HYDIN: variants seen among roughly 807,000 people sequenced by gnomAD.
HYDIN encodes the protein HYDIN axonemal central pair apparatus protein.
In HYDIN, 132 loss-of-function variants were observed where a neutral mutation model predicts 403.9. That is an observed-to-expected ratio of 0.33 (90% CI 0.28 to 0.38). The LOEUF (loss-of-function observed/expected upper bound fraction) is 0.38. Ranked by LOEUF, HYDIN falls within the 10% of genes least tolerant of loss-of-function variation. HYDIN has a pLI of 1.00. For missense variants in HYDIN, 2,827 were observed against 5,009.5 expected, an observed-to-expected ratio of 0.56 and a Z score of 13.15; for synonymous variants, 1,202 against 1,891.7, an observed-to-expected ratio of 0.64 and a Z score of 9.46.
chr16:71,007,739 G>A (rs2144090919), intron 23 of HYDIN, among the ~76,000 whole-genome samples: 1 of 140,274 alleles, frequency 7.1e-6, no homozygotes, highest in East Asian at 2.1e-4. Flanking sequence ...AAAGCAGTTT[G>A]GAGACTTCCC....
At chr16:71,078,873 T>C (rs1251603759) in intron 13 of HYDIN, among the ~76,000 whole-genome samples, 1 of 152,214 alleles carries the variant, frequency 6.6e-6, no homozygotes, top group Non-Finnish European at 1.5e-5. Context: ...CCCACTATCC[T>C]TTTCCTTCTT....
At chr16:70,820,192 T>C (rs1435074289) in intron 83 of HYDIN, among the ~76,000 whole-genome samples, 32 of 125,810 alleles carry the variant, frequency 2.5e-4, no homozygotes, top group South Asian at 1.4e-3. Flanking sequence ...TTTTTCTTTT[T>C]TTTTTTTTTT....
chr16:70,938,975 C>A (rs2077585212), intron 43 of HYDIN, among the ~76,000 whole-genome samples: 1 of 152,158 alleles, frequency 6.6e-6, no homozygotes, highest in African/African-American at 2.4e-5. Context: ...ATGCCCATAT[C>A]AGATTACTCA....
intron 74 of HYDIN, 42 bp downstream of exon 74, chr16:70,850,406 A>G (rs2038548981): frequency 3.3e-6 from 3 of 914,292 alleles, no homozygotes; most frequent in Non-Finnish European, 5.0e-6. Context: ...CCCAGTCAGA[A>G]TGGAAGCTGA....
At chr16:70,840,379 G>A (rs1211956072) in intron 75 of HYDIN, 146 bp from the exon 76 acceptor site, 24 of 575,804 alleles carry the variant, frequency 4.2e-5, no homozygotes, top group Non-Finnish European at 6.1e-5. Context: ...AATTCAGTAG[G>A]TTAGAAGTTT....
chr16:71,007,157 C>T (rs2144089608), intron 23 of HYDIN, among the ~76,000 whole-genome samples: 1 of 151,892 alleles, frequency 6.6e-6, no homozygotes, highest in Admixed American at 6.6e-5. Flanking sequence ...ACAATAATAA[C>T]AGTGTTTCCT....
chr16:71,089,568 A>C, intron 11 of HYDIN, among the ~76,000 whole-genome samples: 1 of 152,250 alleles, frequency 6.6e-6, no homozygotes. Context: ...TCCCAGAAGA[A>C]GTCAGATGCA....
chr16:71,058,371 C>T (rs2144260402), intron 18 of HYDIN, among the ~76,000 whole-genome samples: 1 of 138,960 alleles, frequency 7.2e-6, no homozygotes, highest in South Asian at 2.4e-4. Flanking sequence ...CATATTCTCA[C>T]TCATAGGTGG....
intron 29 of HYDIN, among the ~76,000 whole-genome samples, chr16:70,980,952 C>A (rs1345094635): frequency 6.6e-6 from 1 of 151,896 alleles, no homozygotes; most frequent in Admixed American, 6.6e-5. Flanking sequence ...CTGTGTAATG[C>A]CAAAATAAGG....
intron 41 of HYDIN, among the ~76,000 whole-genome samples, chr16:70,945,288 T>C (rs2077818634): frequency 6.6e-6 from 1 of 152,118 alleles, no homozygotes; most frequent in Admixed American, 6.5e-5. Flanking sequence ...ATTCTTTGAG[T>C]TTTGACCTTA....
Position 71,186,931 on chromosome 16 carries a change from C to A in HYDIN, c.-23-13G>T, listed in dbSNP as rs758658868. On this transcript the variant is annotated splice_polypyrimidine_tract_variant and intron_variant, in intron 1 of 85. Coordinates refer to ENST00000393567, the MANE Select transcript of HYDIN (RefSeq NM_001270974.2). ...TTTTTTTTCTCACCTAAGAGTGAAACAAAAATGTCTTAGAACAAATACAGT... is the reference window on the plus strand; with the variant it reads ...TTTTTTTTCTCACCTAAGAGTGAAAAAAAAATGTCTTAGAACAAATACAGT... 5.1e-6 allele frequency: 8 copies of A among 1,566,060 alleles called. No individual in the cohort carries two copies. The African/African-American group carries it at 1.1e-4, about 21-fold the overall frequency.
At chr16:71,175,583 A>G (rs766309767) in intron 5 of HYDIN, 24 bp downstream of exon 5, 136 of 1,611,408 alleles carry the variant, frequency 8.4e-5, no homozygotes, top group Middle Eastern at 6.6e-4. Context: ...CAAGTGTCCA[A>G]TTTCTTGCCA....
At chr16:70,946,635 G>C (rs2077870869) in intron 41 of HYDIN, among the ~76,000 whole-genome samples, 2 of 152,122 alleles carry the variant, frequency 1.3e-5, no homozygotes, top group Admixed American at 6.6e-5. Context: ...GTGGGTGCTA[G>C]GTAGTGAGGA....
intron 1 of HYDIN, among the ~76,000 whole-genome samples, chr16:71,217,254 C>T (rs1318752006): frequency 6.6e-6 from 1 of 152,104 alleles, no homozygotes; most frequent in African/African-American, 2.4e-5. Flanking sequence ...CACACATTTA[C>T]CCCCATTTTA....
chr16:71,009,468 C>A (rs1183703321), intron 23 of HYDIN, among the ~76,000 whole-genome samples: 3 of 150,778 alleles, frequency 2.0e-5, no homozygotes, highest in Admixed American at 1.3e-4. Context: ...AATAGAGGAT[C>A]CATTTTTAAA....
chr16:71,093,719 A>G, intron 11 of HYDIN, 98 bp downstream of exon 11: 1 of 1,403,064 alleles, frequency 7.1e-7, no homozygotes. Flanking sequence ...AATAAATGTG[A>G]TTGCATACTC....
At chr16:70,851,102 C>T (rs747050032) in intron 73 of HYDIN, among the ~76,000 whole-genome samples, 7 of 147,430 alleles carry the variant, frequency 4.7e-5, no homozygotes, top group Non-Finnish European at 7.4e-5. Context: ...ACGTAGAAAA[C>T]ACCATCGTAG....
At chr16:71,050,395 G>T (rs2081596721) in intron 18 of HYDIN, among the ~76,000 whole-genome samples, 1 of 129,664 alleles carries the variant, frequency 7.7e-6, no homozygotes, top group East Asian at 2.0e-4. Flanking sequence ...TCTAGCATTA[G>T]AAAGACATAA....
intron 36 of HYDIN, among the ~76,000 whole-genome samples, chr16:70,969,669 T>C (rs1169723713): frequency 6.6e-6 from 1 of 151,990 alleles, no homozygotes; most frequent in African/African-American, 2.4e-5. Flanking sequence ...AAAGAAGAAA[T>C]CTTGGCGTAT....
Sources: allele counts gnomAD v4.1 joint callset (sites outside exome capture counted in the v4.1 genomes callset), GRCh38; gene constraint gnomAD v4.1.1; transcripts MANE v1.5; gene names NCBI Gene and HGNC (gene_info 2026-07-23, HGNC 2026-07-21).